HELLS: variants seen among roughly 807,000 people sequenced by gnomAD.
HELLS encodes the protein helicase, lymphoid specific, also known as lymphoid-specific helicase.
HELLS carries 32 observed loss-of-function variants against 120.0 expected under a neutral mutation model. That is an observed-to-expected ratio of 0.27 (90% CI 0.20 to 0.36). The LOEUF (loss-of-function observed/expected upper bound fraction) is 0.36, where lower values mean the gene tolerates loss of function less well. HELLS is among the 10% of genes least tolerant of loss of function. The pLI is 1.00. For missense variants in HELLS, 650 were observed against 993.4 expected (o/e 0.65, Z 4.65); for synonymous variants, 341 against 323.4 (o/e 1.05, Z -0.58).
intron 2 of HELLS, among the ~76,000 whole-genome samples, chr10:94,553,552 ATTTTTTT>A (rs397844496): frequency 6.5e-5 from 8 of 122,292 alleles, no homozygotes; most frequent in Non-Finnish European, 1.3e-4. Context: ...CCTGGCCCCA[ATTTTTTT>A]TTTTTTTTTT....
At chr10:94,547,210 G>T (rs1296583770) in intron 2 of HELLS, among the ~76,000 whole-genome samples, 2 of 152,108 alleles carry the variant, frequency 1.3e-5, no homozygotes, top group Non-Finnish European at 2.9e-5. Flanking sequence ...AAGAATGATC[G>T]TTGACTCTTA....
chr10:94,598,610 T>G (rs1027692633), intron 21 of HELLS, among the ~76,000 whole-genome samples: 4 of 150,732 alleles, frequency 2.7e-5, no homozygotes, highest in African/African-American at 7.3e-5. Context: ...TTGGAAGTTT[T>G]TTTTTTTTTT....
chr10:94,562,345 A>G (rs6583945), intron 4 of HELLS, among the ~76,000 whole-genome samples: 57,930 of 151,856 alleles, frequency 0.38, 11,459 homozygotes, highest in East Asian at 0.68. Flanking sequence ...GGAGGTTGCA[A>G]TGAGCCGAGA....
At chr10:94,548,995 A>G (rs995768211) in intron 2 of HELLS, among the ~76,000 whole-genome samples, 3 of 151,262 alleles carry the variant, frequency 2.0e-5, no homozygotes, top group African/African-American at 7.3e-5. Context: ...TTCCGTCTCA[A>G]AAAAAAAAGT....
At chr10:94,546,541 A>G in intron 2 of HELLS, 43 bp downstream of exon 2, 2 of 1,611,438 alleles carry the variant, frequency 1.2e-6, no homozygotes, top group South Asian at 2.2e-5. Flanking sequence ...GCCTGTGGTA[A>G]CCTCGGCTTT....
At chr10:94,567,017 GCT>G (rs1424744118) in intron 6 of HELLS, among the ~76,000 whole-genome samples, 1 of 151,998 alleles carries the variant, frequency 6.6e-6, no homozygotes, top group Non-Finnish European at 1.5e-5. Context: ...TGAATTTCCT[GCT>G]CTCTTTTCCT....
intron 6 of HELLS, among the ~76,000 whole-genome samples, chr10:94,564,282 G>C (rs763847614): frequency 9.9e-5 from 15 of 152,162 alleles, no homozygotes; most frequent in African/African-American, 2.9e-4. Context: ...CGGAGAGTTG[G>C]GGGGAAAGGG....
At chr10:94,591,547 C>G (rs1312202309) in intron 15 of HELLS, among the ~76,000 whole-genome samples, 1 of 152,162 alleles carries the variant, frequency 6.6e-6, no homozygotes, top group African/African-American at 2.4e-5. Context: ...AGGTAATGTT[C>G]TGTGCACTTA....
At chr10:94,581,187 T>A in intron 10 of HELLS, 139 bp from the exon 11 acceptor site, 2 of 519,346 alleles carry the variant, frequency 3.9e-6, no homozygotes, top group Non-Finnish European at 6.7e-6. Flanking sequence ...GAAAACATGA[T>A]CATTTCAGTA....
chr10:94,554,256 T>A lies in HELLS; in HGVS notation c.276+8T>A. 1 of 1,536,800 alleles carries A rather than the reference T, an allele frequency of 6.5e-7. No individual in the cohort carries two copies. Among genetic ancestry groups the A allele is most frequent in the Non-Finnish European group, 8.7e-7 (1 of 1,148,390 alleles). ...GAACAGCAACAATTAGAGGTATGTATATGTAACTGACTACAAGTGAAAGCT... is the reference window on the plus strand; with the variant it reads ...GAACAGCAACAATTAGAGGTATGTAAATGTAACTGACTACAAGTGAAAGCT... On this transcript the variant is annotated splice_region_variant and intron_variant, in intron 3 of 21. Transcript: ENST00000348459.
chr10:94,574,072 T>C lies in HELLS; in HGVS notation c.590T>C (p.Phe197Ser). The change falls in exon 8 of 22, where the codon TTC (phenylalanine) becomes TCC (serine). Residue 197 changes from phenylalanine (F) to serine (S), a missense_variant. Transcript: ENST00000348459. ...LSETVRQNTK[F>S]FFDPVRKCNG... Reference sequence around the variant, plus strand: ...GAAACGGTTAGGCAGAATACTAAATTCTTTTTTGACCCAGTCCGGAAGTGT... The same window carrying C: ...GAAACGGTTAGGCAGAATACTAAATCCTTTTTTGACCCAGTCCGGAAGTGT... 6.2e-7 allele frequency: 1 copy of C among 1,613,718 alleles called. No individual in the cohort carries two copies. The highest frequency in any genetic ancestry group is 8.5e-7 in the Non-Finnish European group (1 of 1,179,642).
chr10:94,589,459 C>T (rs76704824), intron 13 of HELLS, among the ~76,000 whole-genome samples: 4,901 of 152,088 alleles, frequency 0.032, 112 homozygotes, highest in Middle Eastern at 0.14. Context: ...TATTGATAAC[C>T]AAAAAGATTA....
intron 2 of HELLS, among the ~76,000 whole-genome samples, chr10:94,550,210 A>G (rs1213514503): frequency 6.6e-6 from 1 of 151,214 alleles, no homozygotes; most frequent in Non-Finnish European, 1.5e-5. Flanking sequence ...ATTAGCCACC[A>G]TGCCCAGCTG....
At chr10:94,605,965 TG>T (rs1035641092), downstream of HELLS, among the ~76,000 whole-genome samples, 4 of 151,994 alleles carry the variant, frequency 2.6e-5, no homozygotes, top group African/African-American at 9.7e-5. Flanking sequence ...CTGTTGAAGG[TG>T]GGGGGAACCA....
chr10:94,572,576 C>G (rs1248136917), intron 7 of HELLS, among the ~76,000 whole-genome samples: 1 of 152,166 alleles, frequency 6.6e-6, no homozygotes, highest in Non-Finnish European at 1.5e-5. Flanking sequence ...CATCCATCCC[C>G]TTATTGATGG....
At chr10:94,608,086 T>C in intron 9 of HELLS, 1 of 165,198 alleles carries the variant, frequency 6.1e-6, no homozygotes, top group South Asian at 1.4e-4. Flanking sequence ...ATTAAGTGCT[T>C]CTGATAGTTT....
intron 21 of HELLS, among the ~76,000 whole-genome samples, chr10:94,598,263 A>G (rs1027615909): frequency 1.3e-5 from 2 of 152,180 alleles, no homozygotes; most frequent in African/African-American, 2.4e-5. Context: ...AGTAACATTC[A>G]TATCACGGAT....
At chr10:94,556,597 A>T (rs1843276329) in intron 3 of HELLS, among the ~76,000 whole-genome samples, 3 of 152,090 alleles carry the variant, frequency 2.0e-5, no homozygotes, top group Admixed American at 1.3e-4. Context: ...CTTATTTATA[A>T]TTCTTCTCGC....
intron 2 of HELLS, among the ~76,000 whole-genome samples, chr10:94,547,007 T>G (rs1445269143): frequency 6.6e-6 from 1 of 152,228 alleles, no homozygotes; most frequent in Non-Finnish European, 1.5e-5. Flanking sequence ...CTGTTTGTTT[T>G]TCTTTTGGTT....
Sources: gnomAD v4.1 joint callset for allele counts (sites outside exome capture counted in the v4.1 genomes callset) on GRCh38, gnomAD v4.1.1 for gene constraint, MANE v1.5 for transcripts, NCBI Gene and HGNC (gene_info 2026-07-23, HGNC 2026-07-21) for gene names.